The following RNLS variants were observed in gnomAD, a reference collection of about 807,000 sequenced individuals.
RNLS encodes renalase.
Under a neutral mutation model 39.8 loss-of-function variants are expected in RNLS, and 39 were observed. That is an observed-to-expected ratio of 0.98 (90% CI 0.76 to 1.28). The LOEUF (loss-of-function observed/expected upper bound fraction) is 1.28, where lower values mean the gene tolerates loss of function less well. RNLS is among the 50% of genes most tolerant of loss of function. The probability of loss-of-function intolerance (pLI) is 0.00; values close to 1 mark genes in which losing one functional copy is unlikely to be tolerated. For synonymous variants in RNLS, 147 were observed against 150.7 expected (o/e 0.98, Z 0.18); for missense variants, 410 against 413.3 (o/e 0.99, Z 0.07).
chr10:88,493,923 A>G (rs1050393053), intron 4 of RNLS, among the ~76,000 whole-genome samples: 1 of 152,200 alleles, frequency 6.6e-6, no homozygotes, highest in Non-Finnish European at 1.5e-5. Flanking sequence ...AAAATGGAGA[A>G]CACTGGAAGA....
the RNLS span, among the ~76,000 whole-genome samples, chr10:88,172,839 GTTGT>G: frequency 3.2e-5 from 1 of 31,502 alleles, no homozygotes; most frequent in African/African-American, 9.2e-5. Context: ...TGCATTTTGA[GTTGT>G]TTTTTTTTTT....
chr10:88,580,226 A>G (rs955694656), intron 3 of RNLS, among the ~76,000 whole-genome samples: 13 of 152,192 alleles, frequency 8.5e-5, no homozygotes, highest in African/African-American at 2.9e-4. Flanking sequence ...ATACACATGC[A>G]TGCACACATA....
chr10:88,484,990 T>C (rs1844406584), intron 4 of RNLS, among the ~76,000 whole-genome samples: 1 of 151,964 alleles, frequency 6.6e-6, no homozygotes, highest in Non-Finnish European at 1.5e-5. Flanking sequence ...TCTCATGTTA[T>C]TTGATGCTTT....
At chr10:88,378,408 T>C (rs868572039) in intron 4 of RNLS, among the ~76,000 whole-genome samples, 1 of 152,150 alleles carries the variant, frequency 6.6e-6, no homozygotes, top group Non-Finnish European at 1.5e-5. Context: ...AGGCACGTCA[T>C]AGAAACCAGA....
the RNLS span, among the ~76,000 whole-genome samples, chr10:88,266,732 CA>C: frequency 1.5e-4 from 23 of 149,214 alleles, no homozygotes; most frequent in Middle Eastern, 3.4e-3. Flanking sequence ...CACACACACA[CA>C]CACCCCACAC....
At chr10:88,377,444 A>C (rs1851107164) in intron 4 of RNLS, among the ~76,000 whole-genome samples, 1 of 152,190 alleles carries the variant, frequency 6.6e-6, no homozygotes, top group Non-Finnish European at 1.5e-5. Context: ...AATATCATAG[A>C]GAGTACTTAC....
intron 4 of RNLS, among the ~76,000 whole-genome samples, chr10:88,468,382 T>C (rs1019484423): frequency 7.2e-5 from 11 of 152,156 alleles, no homozygotes; most frequent in Admixed American, 2.0e-4. Context: ...ACCAGGAGCA[T>C]AGAATTTGAC....
At chr10:88,445,639 A>G (rs1841990998) in intron 4 of RNLS, among the ~76,000 whole-genome samples, 1 of 152,206 alleles carries the variant, frequency 6.6e-6, no homozygotes, top group African/African-American at 2.4e-5. Flanking sequence ...CAAATGGAAA[A>G]CAAAAAAAGG....
the RNLS span, among the ~76,000 whole-genome samples, chr10:88,171,930 T>A: frequency 6.6e-6 from 1 of 152,210 alleles, no homozygotes; most frequent in Non-Finnish European, 1.5e-5. Context: ...TATGTCTGAC[T>A]TATTTCACTT....
chr10:88,350,441 C>T lies in RNLS; in HGVS notation c.700+12111G>A, dbSNP rs147821138. On this transcript the variant is annotated intron_variant, in intron 5 of 6. Transcript: ENST00000331772. ...GTTCTCCTTCCTGTGTCCAAGTGTT[C>T]TCATTGTTCAATTCCCACCTATGAG... Among the ~76,000 whole-genome samples the T allele has an allele frequency of 8.1e-3, 1,225 of 152,154 alleles. 19 individuals carry two copies. Among genetic ancestry groups the T allele is most frequent in the South Asian group, 0.029 (139 of 4,824 alleles).
At chr10:88,462,911 C>T (rs1308297923) in intron 4 of RNLS, among the ~76,000 whole-genome samples, 1 of 151,908 alleles carries the variant, frequency 6.6e-6, no homozygotes, top group East Asian at 1.9e-4. Context: ...TTCTTAATCT[C>T]CAGGTAGTGT....
At chr10:88,533,495 G>A (rs1398694778) in intron 4 of RNLS, among the ~76,000 whole-genome samples, 1 of 152,124 alleles carries the variant, frequency 6.6e-6, no homozygotes, top group African/African-American at 2.4e-5. Flanking sequence ...ATTTTTAAAA[G>A]GGTTTTGAAG....
the RNLS span, among the ~76,000 whole-genome samples, chr10:88,219,516 A>G: frequency 6.6e-6 from 1 of 152,064 alleles, no homozygotes; most frequent in Non-Finnish European, 1.5e-5. Flanking sequence ...AGCAAACTTA[A>G]CTGTTGGTTT....
chr10:88,405,577 T>G (rs183871847), intron 4 of RNLS, among the ~76,000 whole-genome samples: 16 of 152,196 alleles, frequency 1.1e-4, no homozygotes, highest in Non-Finnish European at 2.1e-4. Flanking sequence ...TTACTTAAAT[T>G]TTTTTGAGTC....
intron 4 of RNLS, among the ~76,000 whole-genome samples, chr10:88,461,842 A>C (rs1717613428): frequency 6.6e-6 from 1 of 152,124 alleles, no homozygotes; most frequent in African/African-American, 2.4e-5. Context: ...GGTAGCCACA[A>C]AGTAACAGAT....
chr10:88,563,236 T>C (rs984464003), intron 4 of RNLS, among the ~76,000 whole-genome samples: 9 of 152,180 alleles, frequency 5.9e-5, no homozygotes, highest in African/African-American at 1.9e-4. Context: ...AAATAAAAAA[T>C]AGATTAGCTA....
chr10:88,550,227 T>G (rs561687773), intron 4 of RNLS, among the ~76,000 whole-genome samples: 1 of 152,344 alleles, frequency 6.6e-6, no homozygotes, highest in South Asian at 2.1e-4. Flanking sequence ...AAAGATATTA[T>G]AGTTTACTTT....
chr10:88,328,620 C>G (rs792216), intron 5 of RNLS, among the ~76,000 whole-genome samples: 1 of 151,888 alleles, frequency 6.6e-6, no homozygotes, highest in Non-Finnish European at 1.5e-5. Flanking sequence ...ATATTTTTAG[C>G]GAATACTGAT....
the RNLS span, among the ~76,000 whole-genome samples, chr10:88,244,865 A>G: frequency 6.6e-6 from 1 of 152,198 alleles, no homozygotes; most frequent in Non-Finnish European, 1.5e-5. Context: ...GGAAGAAAGT[A>G]AAAATGGAAC....
Sources: allele counts gnomAD v4.1 joint callset (sites outside exome capture counted in the v4.1 genomes callset), GRCh38; gene constraint gnomAD v4.1.1; transcripts MANE v1.5; gene names NCBI Gene and HGNC (gene_info 2026-07-23, HGNC 2026-07-21).